EYS: variants seen among roughly 807,000 people sequenced by gnomAD.
The protein encoded by EYS is EGF-like photoreceptor maintenance factor.
In EYS, 250 loss-of-function variants were observed where a neutral mutation model predicts 282.1. That is an observed-to-expected ratio of 0.89 (90% confidence interval 0.80 to 0.98). The LOEUF (loss-of-function observed/expected upper bound fraction) is 0.98, where lower values mean the gene tolerates loss of function less well. EYS is among the 50% of genes least tolerant of loss of function. The pLI is 0.00. For synonymous variants in EYS, 1,355 were observed against 1,282.9 expected, an observed-to-expected ratio of 1.06 and a Z score of -1.20; for missense variants, 4,016 against 3,709.0, an observed-to-expected ratio of 1.08 and a Z score of -2.15.
At chr6:65,126,607 G>T (rs1168439744) in intron 12 of EYS, among the ~76,000 whole-genome samples, 3 of 152,148 alleles carry the variant, frequency 2.0e-5, no homozygotes, top group African/African-American at 7.2e-5. Context: ...ATAAGTTGGT[G>T]TAGGGCCCAC....
chr6:64,117,181 C>A (rs138463535), intron 31 of EYS, among the ~76,000 whole-genome samples: 2,938 of 152,004 alleles, frequency 0.019, 83 homozygotes, highest in African/African-American at 0.066. Context: ...CAAAAAAAGT[C>A]TTAACAAACT....
At chr6:65,469,771 CA>C (rs373559781) in intron 5 of EYS, among the ~76,000 whole-genome samples, 12 of 152,022 alleles carry the variant, frequency 7.9e-5, no homozygotes, top group Non-Finnish European at 1.6e-4. Context: ...TCACTATCCT[CA>C]AAAAACTTTC....
intron 29 of EYS, among the ~76,000 whole-genome samples, chr6:64,317,979 G>A (rs981547406): frequency 1.3e-5 from 2 of 152,068 alleles, no homozygotes; most frequent in Admixed American, 1.3e-4. Flanking sequence ...GTTGAACAAT[G>A]AGAACACATG....
chr6:64,136,141 T>TAAA (rs79149461), intron 31 of EYS, among the ~76,000 whole-genome samples: 3 of 131,290 alleles, frequency 2.3e-5, no homozygotes, highest in Admixed American at 7.8e-5. Flanking sequence ...AGATTCTTTC[T>TAAA]AAAAAAAAAA....
intron 22 of EYS, among the ~76,000 whole-genome samples, chr6:64,715,502 C>T (rs9354061): frequency 0.11 from 16,237 of 152,166 alleles, 1,213 homozygotes; most frequent in East Asian, 0.35. Flanking sequence ...TTTGTGATCT[C>T]AAGAGGGTGA....
chr6:64,481,087 T>C (rs944820180), intron 26 of EYS, among the ~76,000 whole-genome samples: 3 of 151,400 alleles, frequency 2.0e-5, no homozygotes, highest in African/African-American at 7.3e-5. Flanking sequence ...TATGACTTAT[T>C]TTGGTTCTGA....
intron 36 of EYS, among the ~76,000 whole-genome samples, chr6:63,838,937 A>G (rs1332956233): frequency 1.3e-5 from 2 of 152,138 alleles, no homozygotes; most frequent in Non-Finnish European, 2.9e-5. Context: ...ATTATTTTAA[A>G]TTGATACATG....
At chr6:65,419,343 A>C (rs1429885426) in intron 5 of EYS, among the ~76,000 whole-genome samples, 1 of 151,958 alleles carries the variant, frequency 6.6e-6, no homozygotes. Context: ...ATACAAGAGA[A>C]TGATTAACAA....
intron 25 of EYS, among the ~76,000 whole-genome samples, chr6:64,592,482 C>T (rs1766443954): frequency 6.6e-6 from 1 of 152,102 alleles, no homozygotes; most frequent in African/African-American, 2.4e-5. Context: ...TACATTTCTA[C>T]TTAGAATACC....
At chr6:64,826,629 A>G (rs1029481000) in intron 19 of EYS, among the ~76,000 whole-genome samples, 13 of 150,298 alleles carry the variant, frequency 8.6e-5, no homozygotes, top group African/African-American at 2.7e-4. Context: ...GTGCATCAAC[A>G]ATATTATAAT....
At chr6:65,363,319 A>T (rs1044107799) in intron 8 of EYS, among the ~76,000 whole-genome samples, 8 of 152,120 alleles carry the variant, frequency 5.3e-5, no homozygotes, top group African/African-American at 1.7e-4. Context: ...TTCCCAGCTA[A>T]TTGCTAATGC....
chr6:64,834,144 T>C (rs9453084), intron 19 of EYS, among the ~76,000 whole-genome samples: 67,299 of 151,630 alleles, frequency 0.44, 15,665 homozygotes, highest in East Asian at 0.8. Context: ...GTCACTAAGA[T>C]CAAGCTGTGA....
chr6:64,700,747 A>C lies in EYS; in HGVS notation c.3444-74502T>G, dbSNP rs150371024. ...GATGATTCAAACAAATGAAAAAAAC[A>C]TCCCATGATCATGGATTGCAAAAGT... On this transcript the variant is annotated intron_variant, in intron 22 of 42. Transcript: ENST00000503581. Among the ~76,000 whole-genome samples the C allele has an allele frequency of 1.7e-3, 254 of 152,156 alleles. 3 individuals are homozygous for C. Among genetic ancestry groups the C allele is most frequent in the African/African-American group, 5.2e-3 (218 of 41,558 alleles).
chr6:64,070,225 T>C (rs2149858560), intron 32 of EYS, among the ~76,000 whole-genome samples: 1 of 152,284 alleles, frequency 6.6e-6, no homozygotes, highest in East Asian at 1.9e-4. Context: ...ATGTTATTGG[T>C]CTTTCTTGCA....
At chr6:65,404,561 T>G (rs1033477480) in intron 6 of EYS, among the ~76,000 whole-genome samples, 1 of 151,978 alleles carries the variant, frequency 6.6e-6, no homozygotes, top group African/African-American at 2.4e-5. Flanking sequence ...TGGTAACAAA[T>G]CTTTGTATAT....
chr6:65,675,530 C>A (rs2149835145), intron 1 of EYS, among the ~76,000 whole-genome samples: 1 of 151,904 alleles, frequency 6.6e-6, no homozygotes, highest in East Asian at 1.9e-4. Context: ...AAAATAACAT[C>A]TTAGAATTAT....
intron 31 of EYS, among the ~76,000 whole-genome samples, chr6:64,150,844 AT>A (rs1262292415): frequency 6.6e-6 from 1 of 152,124 alleles, no homozygotes; most frequent in East Asian, 1.9e-4. Context: ...AAAGAATACC[AT>A]TTTTAAATCT....
intron 33 of EYS, among the ~76,000 whole-genome samples, chr6:64,051,382 G>A (rs1188307349): frequency 6.6e-6 from 1 of 152,078 alleles, no homozygotes; most frequent in Non-Finnish European, 1.5e-5. Context: ...AGAACAGGTA[G>A]AGGACTAATG....
chr6:63,810,118 G>C lies in EYS; in HGVS notation c.7229-3746C>G, dbSNP rs187029601. ...AGAAAAAAGAAAAAGAAAATTAGCC[G>C]AGTGTGGTGGCACGCGCCTGTAGTC... is the stretch of plus-strand genomic sequence containing the variant. On this transcript the variant is annotated intron_variant, in intron 36 of 42. Coordinates refer to ENST00000503581, the MANE Select transcript of EYS (RefSeq NM_001142800.2). Among the ~76,000 whole-genome samples the C allele has an allele frequency of 3.9e-3, 594 of 150,636 alleles. 20 individuals are homozygous for C. The highest frequency in any genetic ancestry group is 0.034 in the Admixed American group (514 of 15,108).
Sources: gnomAD v4.1 joint callset for allele counts (sites outside exome capture counted in the v4.1 genomes callset) on GRCh38, gnomAD v4.1.1 for gene constraint, MANE v1.5 for transcripts, NCBI Gene and HGNC (gene_info 2026-07-23, HGNC 2026-07-21) for gene names.